Variants in OPA1 observed in about 807,000 individuals in gnomAD.
OPA1 encodes the protein OPA1 mitochondrial dynamin like GTPase.
Under a neutral mutation model 152.9 loss-of-function variants are expected in OPA1, and 59 were observed. That is an observed-to-expected ratio of 0.39 (90% CI 0.31 to 0.48). The LOEUF is 0.48. OPA1 is among the 20% of genes least tolerant of loss of function. The pLI, the probability that OPA1 is intolerant of heterozygous loss-of-function variation, is 0.96. For synonymous variants in OPA1, 400 were observed against 389.9 expected, an observed-to-expected ratio of 1.03 and a Z score of -0.31; for missense variants, 1,008 against 1,216.8, an observed-to-expected ratio of 0.83 and a Z score of 2.55.
At chr3:193,602,673 G>A (rs1428419920) in intron 1 of OPA1, among the ~76,000 whole-genome samples, 1 of 152,210 alleles carries the variant, frequency 6.6e-6, no homozygotes, top group Non-Finnish European at 1.5e-5. Flanking sequence ...AACTTGGACA[G>A]TTTCAGTTTT....
chr3:193,631,715 A>G, intron 8 of OPA1, 50 bp downstream of exon 8: 3 of 1,498,730 alleles, frequency 2.0e-6, no homozygotes, highest in Non-Finnish European at 2.8e-6. Context: ...ATTATATTCG[A>G]ATGTAACTTT....
intron 21 of OPA1, among the ~76,000 whole-genome samples, chr3:193,649,963 T>G (rs1273067537): frequency 6.6e-6 from 1 of 152,196 alleles, no homozygotes; most frequent in African/African-American, 2.4e-5. Context: ...TAATACTAGT[T>G]GCCTTGCTAG....
intron 6 of OPA1, among the ~76,000 whole-genome samples, chr3:193,624,575 A>G (rs1730724183): frequency 6.6e-6 from 1 of 152,180 alleles, no homozygotes; most frequent in Non-Finnish European, 1.5e-5. Flanking sequence ...TGAGGATAGT[A>G]GTTAGCATTG....
In OPA1 at chr3:193,695,160, T is replaced by G. The variant is rs7643844; in HGVS notation, c.*560T>G. The G allele has an allele frequency of 1.3e-5, 2 of 152,094 alleles. No homozygotes were observed. Among genetic ancestry groups the G allele is most frequent in the African/African-American group, 2.4e-5 (1 of 41,414 alleles). The allele number at this position is 152,094 out of a possible 1,614,324, so 9.4% of individuals were successfully genotyped here. On this transcript the variant is annotated 3_prime_UTR_variant, in exon 31 of 31. Transcript: ENST00000361510. ...AGAAAAATGGGTAACAGAAGAACCC[T>G]TAAAACAGGTTAATTTGGATTGTAA...
chr3:193,648,963 ATTG>A, intron 21 of OPA1, 92 bp downstream of exon 21: 1 of 966,592 alleles, frequency 1.0e-6, no homozygotes, highest in South Asian at 1.3e-5. Context: ...GCAGTGATTT[ATTG>A]TTGCCTTGGC....
At chr3:193,642,921 A>T in intron 12 of OPA1, 54 bp from the exon 13 acceptor site, 1 of 1,576,576 alleles carries the variant, frequency 6.3e-7, no homozygotes, top group Non-Finnish European at 8.7e-7. Flanking sequence ...GTTAAAGAAT[A>T]TTTGTGAATT....
intron 29 of OPA1, among the ~76,000 whole-genome samples, chr3:193,688,444 CTTTTCTTTTTTTTTTTTTTTTT>C (rs1721223905): frequency 2.1e-4 from 8 of 38,546 alleles, no homozygotes; most frequent in East Asian, 1.0e-3. Context: ...TGAAATGGGT[CTTTTCTTTTTTTTTTTTTTTTT>C]TTTTTTTTTT....
chr3:193,644,782 A>C (rs1172965919), intron 16 of OPA1, among the ~76,000 whole-genome samples: 2 of 151,994 alleles, frequency 1.3e-5, no homozygotes, highest in South Asian at 2.1e-4. Context: ...ATTTCTTTCA[A>C]CTCTAGGATA....
intron 25 of OPA1, among the ~76,000 whole-genome samples, chr3:193,660,720 A>T (rs367552170): frequency 1.3e-5 from 2 of 151,456 alleles, no homozygotes; most frequent in African/African-American, 4.8e-5. Flanking sequence ...TTTGGTAATG[A>T]CTTTTGTGAA....
intron 2 of OPA1, 72 bp from the exon 3 acceptor site, chr3:193,615,598 TTTAA>T: frequency 1.1e-6 from 1 of 872,576 alleles, no homozygotes; most frequent in South Asian, 1.3e-5. Flanking sequence ...ATTAATGTGT[TTTAA>T]TTAAATAATT....
rs148755993 is a variant in OPA1 at position 193,679,315 on chromosome 3, G to C, written c.2983+12035G>C. Among the ~76,000 whole-genome samples, 60 of 150,944 alleles carry C rather than the reference G, an allele frequency of 4.0e-4. No homozygotes were observed. The East Asian group carries it at 0.011, about 28-fold the overall frequency. On this transcript the variant is annotated intron_variant, in intron 29 of 30. Transcript: ENST00000361510. ...ACTCATAAAGAAAGAGAAAGAGAGGGAGGGAGGGAGGGAAGAAAATGCTTC... is the reference window on the plus strand; with the variant it reads ...ACTCATAAAGAAAGAGAAAGAGAGGCAGGGAGGGAGGGAAGAAAATGCTTC...
At chr3:193,612,717 T>G (rs1385869210) in intron 1 of OPA1, among the ~76,000 whole-genome samples, 1 of 152,140 alleles carries the variant, frequency 6.6e-6, no homozygotes, top group Non-Finnish European at 1.5e-5. Flanking sequence ...TTAGCTGGAG[T>G]CCCTGAAGAT....
chr3:193,689,559 T>G (rs567232276), intron 29 of OPA1, among the ~76,000 whole-genome samples: 1 of 152,336 alleles, frequency 6.6e-6, no homozygotes, highest in East Asian at 1.9e-4. Context: ...CATTTAGACC[T>G]TACAGGGTGA....
At chr3:193,594,431 A>G (rs1725178548) in intron 1 of OPA1, among the ~76,000 whole-genome samples, 1 of 152,220 alleles carries the variant, frequency 6.6e-6, no homozygotes, top group Non-Finnish European at 1.5e-5. Context: ...TCTGTCGTCC[A>G]GGCTGGAGTG....
At position 193,644,117 on chromosome 3, in the gene OPA1, T is replaced by G; in HGVS notation, c.1608+12T>G. 1 of 1,613,378 alleles carries G rather than the reference T, an allele frequency of 6.2e-7. No homozygotes were observed. The highest frequency in any genetic ancestry group is 8.5e-7 in the Non-Finnish European group (1 of 1,179,510). On this transcript the variant is annotated intron_variant, in intron 16 of 30. Transcript: ENST00000361510. ...CCAGTCCAAGCAGGGTGAGGTCAAATTCTTTGTTGCGAGAATAGATTCTTT... is the reference window on the plus strand; with the variant it reads ...CCAGTCCAAGCAGGGTGAGGTCAAAGTCTTTGTTGCGAGAATAGATTCTTT...
intron 29 of OPA1, among the ~76,000 whole-genome samples, chr3:193,669,806 T>G (rs1282121210): frequency 2.0e-5 from 3 of 152,176 alleles, no homozygotes; most frequent in Non-Finnish European, 4.4e-5. Flanking sequence ...CGCTCCCAAT[T>G]TGATTATTTA....
At chr3:193,674,361 G>A (rs1449508418) in intron 29 of OPA1, among the ~76,000 whole-genome samples, 1 of 152,150 alleles carries the variant, frequency 6.6e-6, no homozygotes, top group African/African-American at 2.4e-5. Flanking sequence ...AACAAATCAT[G>A]TTTTAAATGA....
chr3:193,626,886 A>G (rs527847610), intron 7 of OPA1, among the ~76,000 whole-genome samples: 9 of 152,302 alleles, frequency 5.9e-5, no homozygotes, highest in South Asian at 2.1e-4. Context: ...TGTTGGTGCA[A>G]TCAGCAGGTC....
chr3:193,675,798 G>A (rs191618442), intron 29 of OPA1, among the ~76,000 whole-genome samples: 8 of 152,236 alleles, frequency 5.3e-5, no homozygotes, highest in African/African-American at 1.7e-4. Flanking sequence ...CCCATACCTC[G>A]TGTGTTACAT....
Sources: allele counts gnomAD v4.1 joint callset (sites outside exome capture counted in the v4.1 genomes callset), GRCh38; gene constraint gnomAD v4.1.1; transcripts MANE v1.5; gene names NCBI Gene and HGNC (gene_info 2026-07-23, HGNC 2026-07-21).